The following NCKAP5 variants were observed in gnomAD, a reference collection of about 807,000 sequenced individuals.
NCKAP5 encodes NCK associated protein 5.
Under a neutral mutation model 167.0 loss-of-function variants are expected in NCKAP5, and 92 were observed. The observed-to-expected ratio is 0.55, with a 90% CI of 0.47 to 0.66. NCKAP5 has a LOEUF of 0.66. Among genes scored for constraint, NCKAP5 ranks in the 30% least tolerant of loss-of-function variants. The probability of loss-of-function intolerance (pLI) is 0.00; values close to 1 mark genes in which losing one functional copy is unlikely to be tolerated. For missense variants in NCKAP5, 2,378 were observed against 2,315.0 expected (o/e 1.03, Z -0.56); for synonymous variants, 891 against 877.4 (o/e 1.02, Z -0.27).
intron 11 of NCKAP5, among the ~76,000 whole-genome samples, chr2:132,835,446 C>G (rs1478280976): frequency 6.6e-6 from 1 of 152,070 alleles, no homozygotes; most frequent in Non-Finnish European, 1.5e-5. Context: ...TGATTTTTGT[C>G]TTTTATCTTC....
chr2:132,925,960 T>C (rs943865999), intron 8 of NCKAP5, among the ~76,000 whole-genome samples: 5 of 152,208 alleles, frequency 3.3e-5, no homozygotes, highest in African/African-American at 1.2e-4. Flanking sequence ...AGTGGAAGTC[T>C]GAACTTTCAG....
intron 3 of NCKAP5, among the ~76,000 whole-genome samples, chr2:133,500,324 A>G (rs777893307): frequency 2.0e-5 from 3 of 152,224 alleles, no homozygotes; most frequent in Non-Finnish European, 4.4e-5. Flanking sequence ...ATCCCTCTGA[A>G]GTTCACAGAA....
At chr2:133,091,672 G>A (rs2081189446) in intron 6 of NCKAP5, among the ~76,000 whole-genome samples, 1 of 152,132 alleles carries the variant, frequency 6.6e-6, no homozygotes, top group African/African-American at 2.4e-5. Flanking sequence ...CAGACCACGA[G>A]GTCAGGAGAT....
At chr2:132,794,263 T>TATATATAGAGAG (rs762281677) in intron 12 of NCKAP5, among the ~76,000 whole-genome samples, 2 of 11,912 alleles carry the variant, frequency 1.7e-4, no homozygotes, top group Non-Finnish European at 1.7e-4. Context: ...TATATATATA[T>TATATATAGAGAG]AGAGAGAGAG....
At chr2:133,482,271 G>C (rs1349071771) in intron 3 of NCKAP5, among the ~76,000 whole-genome samples, 1 of 151,434 alleles carries the variant, frequency 6.6e-6, no homozygotes, top group Non-Finnish European at 1.5e-5. Context: ...AGGCTGGAGT[G>C]CAATGGTGTG....
intron 4 of NCKAP5, among the ~76,000 whole-genome samples, chr2:133,233,809 A>C (rs2087266677): frequency 6.6e-6 from 1 of 152,220 alleles, no homozygotes; most frequent in Admixed American, 6.5e-5. Flanking sequence ...ATGAGGAATC[A>C]GAACTTCCAA....
chr2:132,767,069 C>A (rs73957676), intron 16 of NCKAP5, among the ~76,000 whole-genome samples: 1,545 of 152,168 alleles, frequency 0.01, 25 homozygotes, highest in African/African-American at 0.035. Flanking sequence ...TTAATGCAGG[C>A]TACTTTTCAA....
chr2:133,570,194 T>G (rs1038747930), upstream of NCKAP5, among the ~76,000 whole-genome samples: 1 of 152,146 alleles, frequency 6.6e-6, no homozygotes, highest in Non-Finnish European at 1.5e-5. Context: ...TGAGAGGAAT[T>G]ATATAAATGA....
chr2:133,312,115 T>C (rs1489757831), intron 3 of NCKAP5, among the ~76,000 whole-genome samples: 2 of 152,206 alleles, frequency 1.3e-5, no homozygotes, highest in Non-Finnish European at 2.9e-5. Context: ...TAAGAAAGCA[T>C]GATGACTAGC....
At chr2:132,853,636 A>G (rs1021323844) in intron 11 of NCKAP5, among the ~76,000 whole-genome samples, 1 of 152,196 alleles carries the variant, frequency 6.6e-6, no homozygotes, top group Non-Finnish European at 1.5e-5. Context: ...TTTAAGAGGG[A>G]GTAGAATGGG....
At chr2:133,124,708 A>G (rs1259525057) in intron 6 of NCKAP5, among the ~76,000 whole-genome samples, 1 of 152,244 alleles carries the variant, frequency 6.6e-6, no homozygotes, top group African/African-American at 2.4e-5. Flanking sequence ...AAACGGTGTT[A>G]CTAGGCACAC....
At position 133,157,292 on chromosome 2, in the gene NCKAP5, G is replaced by A. The variant is rs920977959; in HGVS notation, c.208-27181C>T. Among the ~76,000 whole-genome samples the A allele has an allele frequency of 3.9e-5, 6 of 152,154 alleles. No homozygotes were observed. The South Asian group carries it at 1.2e-3, about 32-fold the overall frequency. ...CCTCAAGCACAGTCATTGGAACAGT[G>A]CAATAATAAGCATTTGCTACATTCT... On this transcript the variant is annotated intron_variant, in intron 5 of 19. Transcript: ENST00000409261.
chr2:133,303,175 A>T, intron 3 of NCKAP5, 65 bp from the exon 4 acceptor site: 1 of 1,103,166 alleles, frequency 9.1e-7, no homozygotes, highest in Non-Finnish European at 1.4e-6. Context: ...TAAGACCCTG[A>T]CCTTATCTCT....
intron 6 of NCKAP5, among the ~76,000 whole-genome samples, chr2:133,038,421 A>C (rs1467330983): frequency 1.3e-5 from 2 of 152,148 alleles, no homozygotes; most frequent in Non-Finnish European, 2.9e-5. Flanking sequence ...AAAAATCAAA[A>C]CAATTGAACT....
At chr2:132,704,694 A>T (rs1573934449) in intron 19 of NCKAP5, among the ~76,000 whole-genome samples, 1 of 152,126 alleles carries the variant, frequency 6.6e-6, no homozygotes, top group African/African-American at 2.4e-5. Context: ...ATTCCTACTC[A>T]GTTTAGTCTC....
intron 4 of NCKAP5, among the ~76,000 whole-genome samples, chr2:133,222,947 G>T (rs2086718732): frequency 6.6e-6 from 1 of 152,188 alleles, no homozygotes; most frequent in South Asian, 2.1e-4. Flanking sequence ...AGAATTTGGG[G>T]TCTCCATGGA....
chr2:133,634,552 T>C, the NCKAP5 span, among the ~76,000 whole-genome samples: 1 of 152,290 alleles, frequency 6.6e-6, no homozygotes, highest in African/African-American at 2.4e-5. Flanking sequence ...ACTTGACACT[T>C]AAAATTTGCA....
chr2:133,230,637 G>A (rs2087103082), intron 4 of NCKAP5, among the ~76,000 whole-genome samples: 1 of 152,032 alleles, frequency 6.6e-6, no homozygotes, highest in South Asian at 2.1e-4. Context: ...ATAATTCAGG[G>A]CTTTACTCTT....
the NCKAP5 span, among the ~76,000 whole-genome samples, chr2:133,619,373 A>G: frequency 6.6e-6 from 1 of 151,980 alleles, no homozygotes; most frequent in Admixed American, 6.6e-5. Flanking sequence ...TACTTCAGCG[A>G]AACAGAAAGC....
Sources: gnomAD v4.1 joint callset for allele counts (sites outside exome capture counted in the v4.1 genomes callset) on GRCh38, gnomAD v4.1.1 for gene constraint, MANE v1.5 for transcripts, NCBI Gene and HGNC (gene_info 2026-07-23, HGNC 2026-07-21) for gene names.